The following STK33 variants were observed in gnomAD, a reference collection of about 807,000 sequenced individuals.
STK33 encodes serine/threonine-protein kinase 33.
A neutral mutation model predicts 58.0 loss-of-function variants in STK33; 52 were observed. The observed-to-expected ratio is 0.90, with a 90% CI of 0.72 to 1.13. The LOEUF (loss-of-function observed/expected upper bound fraction) is 1.13, where lower values mean the gene tolerates loss of function less well. Among genes scored for constraint, STK33 ranks in the 50% most tolerant of loss-of-function variants. The pLI, the probability that STK33 is intolerant of heterozygous loss-of-function variation, is 0.00. For synonymous variants in STK33, 215 were observed against 200.1 expected, an observed-to-expected ratio of 1.07 and a Z score of -0.63; for missense variants, 630 against 604.2, an observed-to-expected ratio of 1.04 and a Z score of -0.45.
chr11:8,488,133 A>G (rs1267756909), intron 1 of STK33, among the ~76,000 whole-genome samples: 1 of 152,224 alleles, frequency 6.6e-6, no homozygotes, highest in Non-Finnish European at 1.5e-5. Context: ...TAACCCACTT[A>G]TAAGTCAGTC....
chr11:8,482,622 G>T (rs1949896464), intron 1 of STK33, among the ~76,000 whole-genome samples: 1 of 152,160 alleles, frequency 6.6e-6, no homozygotes, highest in Admixed American at 6.5e-5. Context: ...TAGAATGAGA[G>T]ATACCAGGGT....
intron 8 of STK33, among the ~76,000 whole-genome samples, chr11:8,461,005 T>C (rs1214288454): frequency 1.3e-5 from 2 of 152,174 alleles, no homozygotes; most frequent in African/African-American, 4.8e-5. Flanking sequence ...ATGCTTTATA[T>C]CAATTGTCTC....
intron 15 of STK33, among the ~76,000 whole-genome samples, chr11:8,402,249 A>T (rs1326225935): frequency 3.3e-5 from 5 of 152,252 alleles, no homozygotes; most frequent in African/African-American, 9.6e-5. Flanking sequence ...GGATTAAGAA[A>T]ATGAGGCACA....
At chr11:8,421,024 T>A (rs1397491209) in intron 14 of STK33, among the ~76,000 whole-genome samples, 1 of 152,008 alleles carries the variant, frequency 6.6e-6, no homozygotes, top group Non-Finnish European at 1.5e-5. Context: ...TTGTTTTAGT[T>A]GTTTTAACTT....
intron 8 of STK33, among the ~76,000 whole-genome samples, chr11:8,460,554 C>A (rs951605062): frequency 1.3e-5 from 2 of 151,844 alleles, no homozygotes; most frequent in Non-Finnish European, 1.5e-5. Context: ...GAACTGTGGA[C>A]AATATCAAGC....
the STK33 span, among the ~76,000 whole-genome samples, chr11:8,373,587 G>T: frequency 6.6e-6 from 1 of 152,128 alleles, no homozygotes; most frequent in Non-Finnish European, 1.5e-5. Context: ...CCACACAGGG[G>T]GCTCAGGGTG....
chr11:8,409,979 T>C lies in STK33; in HGVS notation c.1344+3516A>G, dbSNP rs114057642. ...TCCAGGCAGCCTAGATCCGAAGTTATACTTTTAACTATTATGATATTTTAA... is the reference window on the plus strand; with the variant it reads ...TCCAGGCAGCCTAGATCCGAAGTTACACTTTTAACTATTATGATATTTTAA... On this transcript the variant is annotated intron_variant, in intron 15 of 15. Transcript: ENST00000687296. Among the ~76,000 whole-genome samples the C allele has an allele frequency of 3.5e-3, 539 of 152,164 alleles. 2 individuals are homozygous for C. Among genetic ancestry groups the C allele is most frequent in the African/African-American group, 0.012 (514 of 41,530 alleles).
chr11:8,426,278 G>A (rs1942737251), intron 14 of STK33, among the ~76,000 whole-genome samples: 1 of 152,210 alleles, frequency 6.6e-6, no homozygotes, highest in Non-Finnish European at 1.5e-5. Context: ...GCCAAACTCC[G>A]TATTGTTCTG....
chr11:8,488,731 C>T (rs1386810522), intron 1 of STK33, among the ~76,000 whole-genome samples: 1 of 151,846 alleles, frequency 6.6e-6, no homozygotes, highest in Non-Finnish European at 1.5e-5. Flanking sequence ...AACAAAACAC[C>T]CTGGGGAGGG....
chr11:8,518,049 CA>C (rs1437012223), intron 1 of STK33, among the ~76,000 whole-genome samples: 1 of 152,054 alleles, frequency 6.6e-6, no homozygotes, highest in Non-Finnish European at 1.5e-5. Flanking sequence ...TCAGATTCAC[CA>C]AAGTTGAAAT....
At chr11:8,472,842 C>T (rs1322748629) in intron 6 of STK33, among the ~76,000 whole-genome samples, 1 of 152,114 alleles carries the variant, frequency 6.6e-6, no homozygotes, top group Non-Finnish European at 1.5e-5. Context: ...TTACCTGGTC[C>T]ATCTCTGCAT....
the STK33 span, among the ~76,000 whole-genome samples, chr11:8,338,269 G>A: frequency 6.6e-6 from 1 of 152,144 alleles, no homozygotes; most frequent in Non-Finnish European, 1.5e-5. Flanking sequence ...GCCCAGCCCC[G>A]ATCCTCCAGG....
chr11:8,533,978 C>T (rs1301641363), intron 1 of STK33, among the ~76,000 whole-genome samples: 1 of 152,048 alleles, frequency 6.6e-6, no homozygotes, highest in African/African-American at 2.4e-5. Context: ...TGTTTATGCC[C>T]TCAAACTGTA....
intron 1 of STK33, among the ~76,000 whole-genome samples, chr11:8,483,541 C>T (rs753714882): frequency 2.0e-5 from 3 of 152,108 alleles, no homozygotes; most frequent in Non-Finnish European, 4.4e-5. Context: ...AAAACTGACC[C>T]TAATCAGACA....
At chr11:8,534,801 G>T (rs1954865341) in intron 1 of STK33, among the ~76,000 whole-genome samples, 1 of 152,058 alleles carries the variant, frequency 6.6e-6, no homozygotes, top group African/African-American at 2.4e-5. Context: ...TTAGAGAACT[G>T]CAATCTATAA....
At chr11:8,560,359 T>C (rs1231024565) in intron 1 of STK33, among the ~76,000 whole-genome samples, 1 of 152,178 alleles carries the variant, frequency 6.6e-6, no homozygotes, top group Non-Finnish European at 1.5e-5. Context: ...TGAGGCTAAG[T>C]ATTTTTTCAA....
chr11:8,576,278 G>GAAC (rs1958177832), intron 1 of STK33, among the ~76,000 whole-genome samples: 1 of 152,184 alleles, frequency 6.6e-6, no homozygotes, highest in Admixed American at 6.5e-5. Context: ...GGACAAGAAA[G>GAAC]AACAGTTCAG....
intron 1 of STK33, among the ~76,000 whole-genome samples, chr11:8,570,604 G>T (rs1424414650): frequency 6.6e-6 from 1 of 152,142 alleles, no homozygotes; most frequent in Non-Finnish European, 1.5e-5. Flanking sequence ...TAAGTTATGG[G>T]TGCACACACG....
At chr11:8,389,398 T>C (rs920124452), downstream of STK33, among the ~76,000 whole-genome samples, 13 of 152,188 alleles carry the variant, frequency 8.5e-5, no homozygotes, top group African/African-American at 3.1e-4. Flanking sequence ...AGGGAGTGTG[T>C]TAATGCAGTA....
Sources: allele counts gnomAD v4.1 joint callset (sites outside exome capture counted in the v4.1 genomes callset), GRCh38; gene constraint gnomAD v4.1.1; transcripts MANE v1.5; gene names NCBI Gene and HGNC (gene_info 2026-07-23, HGNC 2026-07-21).